DPYD: variants seen among roughly 807,000 people sequenced by gnomAD.
DPYD encodes dihydropyrimidine dehydrogenase [NADP(+)].
Under a neutral mutation model 116.2 loss-of-function variants are expected in DPYD, and 109 were observed. The ratio of observed to expected loss-of-function variants is 0.94; its 90% confidence interval spans 0.80 to 1.10. The LOEUF is 1.10. Among genes scored for constraint, DPYD ranks in the 50% least tolerant of loss-of-function variants. The pLI is 0.00. For synonymous variants in DPYD, 440 were observed against 432.0 expected (o/e 1.02, Z -0.23); for missense variants, 1,302 against 1,254.5 (o/e 1.04, Z -0.57).
At chr1:97,228,817 G>C (rs1423325999) in intron 19 of DPYD, among the ~76,000 whole-genome samples, 2 of 152,102 alleles carry the variant, frequency 1.3e-5, no homozygotes, top group African/African-American at 4.8e-5. Flanking sequence ...GGCAATGAAA[G>C]GATGATATGA....
At chr1:97,495,735 A>G (rs1679225026) in intron 13 of DPYD, among the ~76,000 whole-genome samples, 1 of 152,094 alleles carries the variant, frequency 6.6e-6, no homozygotes, top group South Asian at 2.1e-4. Context: ...AGTTATTTAT[A>G]TCAAGTTAAT....
At chr1:97,322,997 C>T (rs1362201709) in intron 16 of DPYD, 1 of 151,600 alleles carries the variant, frequency 6.6e-6, no homozygotes, top group Non-Finnish European at 1.5e-5. Context: ...ATTTCTACTT[C>T]TACTCACTTT....
intron 3 of DPYD, among the ~76,000 whole-genome samples, chr1:97,745,993 T>C (rs1664529358): frequency 6.6e-6 from 1 of 152,016 alleles, no homozygotes; most frequent in African/African-American, 2.4e-5. Flanking sequence ...TGGAGTCCAA[T>C]TTTAGTTTAG....
chr1:97,764,816 G>A (rs951491689), intron 3 of DPYD, among the ~76,000 whole-genome samples: 5 of 151,992 alleles, frequency 3.3e-5, no homozygotes, highest in African/African-American at 4.8e-5. Context: ...ATTTGAAAGC[G>A]ATGTTAATTT....
At chr1:97,540,574 G>C (rs1650376804) in intron 12 of DPYD, among the ~76,000 whole-genome samples, 1 of 152,086 alleles carries the variant, frequency 6.6e-6, no homozygotes, top group Non-Finnish European at 1.5e-5. Context: ...TACTTTCCTG[G>C]AAGCACCCCC....
intron 18 of DPYD, among the ~76,000 whole-genome samples, chr1:97,243,742 T>C (rs1425022750): frequency 2.6e-5 from 4 of 151,958 alleles, no homozygotes; most frequent in Non-Finnish European, 5.9e-5. Context: ...GAATAGCTAG[T>C]AATTGTATAA....
chr1:97,353,627 G>GTTT (rs35564684), intron 16 of DPYD, among the ~76,000 whole-genome samples: 8 of 133,264 alleles, frequency 6.0e-5, no homozygotes, highest in African/African-American at 8.2e-5. Flanking sequence ...ACTGCATTCT[G>GTTT]TTTTTTTTTT....
At chr1:97,744,105 T>C (rs577227835) in intron 3 of DPYD, among the ~76,000 whole-genome samples, 2 of 152,152 alleles carry the variant, frequency 1.3e-5, no homozygotes, top group Admixed American at 6.5e-5. Flanking sequence ...TTTTTATAAT[T>C]TGACATGAAC....
chr1:97,342,444 A>T (rs1669633888), intron 16 of DPYD, among the ~76,000 whole-genome samples: 1 of 152,200 alleles, frequency 6.6e-6, no homozygotes. Flanking sequence ...TTTTCTTTCT[A>T]GAAAATCACT....
intron 19 of DPYD, among the ~76,000 whole-genome samples, chr1:97,221,104 A>G (rs927920044): frequency 2.0e-5 from 3 of 152,218 alleles, no homozygotes; most frequent in African/African-American, 7.2e-5. Flanking sequence ...GGGATAAATT[A>G]CTTAATAAAG....
intron 13 of DPYD, among the ~76,000 whole-genome samples, chr1:97,464,332 C>T (rs930220499): frequency 2.0e-5 from 3 of 151,812 alleles, no homozygotes; most frequent in East Asian, 1.9e-4. Context: ...AAGAAAATCC[C>T]GTTTTCTGAG....
chr1:97,348,629 C>T (rs753177222), intron 16 of DPYD, among the ~76,000 whole-genome samples: 3 of 152,080 alleles, frequency 2.0e-5, no homozygotes, highest in Admixed American at 6.6e-5. Flanking sequence ...AGCAGAATTG[C>T]CTGGAAGGCT....
intron 20 of DPYD, among the ~76,000 whole-genome samples, chr1:97,109,663 C>G (rs947568779): frequency 3.3e-5 from 5 of 152,008 alleles, no homozygotes; most frequent in African/African-American, 1.2e-4. Context: ...GCAGAAACAC[C>G]TGTTTTAATC....
intron 5 of DPYD, among the ~76,000 whole-genome samples, chr1:97,710,713 C>G (rs186592762): frequency 6.7e-6 from 1 of 150,370 alleles, no homozygotes. Context: ...GTCCTAGACA[C>G]CAGTATGAAA....
At chr1:97,760,967 A>T (rs1176856544) in intron 3 of DPYD, among the ~76,000 whole-genome samples, 1 of 152,020 alleles carries the variant, frequency 6.6e-6, no homozygotes, top group East Asian at 1.9e-4. Flanking sequence ...ATAATATAAA[A>T]CCGTATGCCA....
intron 18 of DPYD, among the ~76,000 whole-genome samples, chr1:97,287,927 T>C (rs1036110586): frequency 2.0e-5 from 3 of 151,752 alleles, no homozygotes; most frequent in Non-Finnish European, 2.9e-5. Flanking sequence ...CAGTGTGCTG[T>C]ATTCAGGAAA....
At chr1:97,084,046 C>G (rs1048805960) in intron 21 of DPYD, among the ~76,000 whole-genome samples, 1 of 152,042 alleles carries the variant, frequency 6.6e-6, no homozygotes, top group Non-Finnish European at 1.5e-5. Context: ...TCCTTTCCCA[C>G]TCTACCCTGG....
intron 2 of DPYD, among the ~76,000 whole-genome samples, chr1:97,851,249 C>CATATATATATATATAT (rs60887494): frequency 2.7e-5 from 4 of 146,906 alleles, no homozygotes; most frequent in African/African-American, 9.9e-5. Context: ...GTCTAATTAC[C>CATATATATATATATAT]ATATATATAT....
At chr1:97,594,689 C>G (rs549268590) in intron 9 of DPYD, among the ~76,000 whole-genome samples, 2 of 152,060 alleles carry the variant, frequency 1.3e-5, no homozygotes, top group African/African-American at 2.4e-5. Flanking sequence ...TAAGAGAAGA[C>G]AGTCAATCTT....
Sources: gnomAD v4.1 joint callset for allele counts (sites outside exome capture counted in the v4.1 genomes callset) on GRCh38, gnomAD v4.1.1 for gene constraint, MANE v1.5 for transcripts, NCBI Gene and HGNC (gene_info 2026-07-23, HGNC 2026-07-21) for gene names.